KNDC1: variants seen among roughly 807,000 people sequenced by gnomAD.
KNDC1 encodes kinase non-catalytic C-lobe domain-containing protein 1.
Under a neutral mutation model 172.8 loss-of-function variants are expected in KNDC1, and 106 were observed. That is an observed-to-expected ratio of 0.61 (90% CI 0.52 to 0.72). The LOEUF is 0.72. KNDC1 is among the 30% of genes least tolerant of loss of function. KNDC1 has a pLI of 0.00. For missense variants in KNDC1, 2,325 were observed against 2,394.5 expected (o/e 0.97, Z 0.61); for synonymous variants, 1,083 against 1,062.2 (o/e 1.02, Z -0.38).
intron 5 of KNDC1, among the ~76,000 whole-genome samples, chr10:133,185,208 G>A (rs1046721027): frequency 7.3e-5 from 11 of 151,084 alleles, no homozygotes; most frequent in African/African-American, 2.7e-4. Flanking sequence ...AGTGTGTGCA[G>A]TGTGGAGTAG....
At position 133,186,472 on chromosome 10, in the gene KNDC1, G is replaced by T; in HGVS notation, c.1124G>T (p.Arg375Leu). The change falls in exon 6 of 30, where the codon CGG becomes CTG. Residue 375 changes from arginine (R) to leucine (L), a missense_variant. Transcript: ENST00000304613. ...PEQEPEHQLGRVPCAGRSTDR... is the reference protein window; with the variant it reads ...PEQEPEHQLGLVPCAGRSTDR... ...CAGGAGCCGGAACACCAGCTGGGAC[G>T]GGTTCCCTGTGCAGGCCGCAGCACG... is the stretch of plus-strand genomic sequence containing the variant. The T allele has an allele frequency of 6.2e-7, 1 of 1,612,412 alleles. No individual in the cohort carries two copies. The highest frequency in any genetic ancestry group is 8.5e-7 in the Non-Finnish European group (1 of 1,179,750).
chr10:133,198,541 C>G, intron 13 of KNDC1, 37 bp from the exon 14 acceptor site: 1 of 1,578,972 alleles, frequency 6.3e-7, no homozygotes, highest in Non-Finnish European at 8.6e-7. Context: ...GGGTCCCGGG[C>G]GCAGGCAGCC....
intron 13 of KNDC1, 33 bp from the exon 14 acceptor site, chr10:133,198,545 G>A: frequency 2.5e-6 from 4 of 1,579,556 alleles, no homozygotes; most frequent in Non-Finnish European, 3.5e-6. Context: ...CCCGGGCGCA[G>A]GCAGCCCCTC....
chr10:133,165,848 G>A (rs1396134459), intron 1 of KNDC1, among the ~76,000 whole-genome samples: 2 of 152,142 alleles, frequency 1.3e-5, no homozygotes, highest in Admixed American at 6.5e-5. Flanking sequence ...ACCTTTGATC[G>A]ATCACGGGCC....
In KNDC1 at chr10:133,186,027, A is replaced by T. The variant is rs746627931; in HGVS notation, c.679A>T (p.Arg227Trp). 3 of 1,591,562 alleles carry T rather than the reference A, an allele frequency of 1.9e-6. No homozygotes were observed. Among genetic ancestry groups the T allele is most frequent in the Non-Finnish European group, 2.6e-6 (3 of 1,170,730 alleles). The part of the protein sequence containing the change: ...ERPAPGNAGP[R>W]RPPGDPSTDP... The stretch of plus-strand genomic sequence containing the variant: ...ACCTGCCCCAGGAAACGCTGGGCCC[A>T]GGAGGCCGCCCGGGGACCCCAGCAC... Residue 227 changes from arginine to tryptophan, a missense_variant, in exon 6 of 30, where the codon AGG becomes TGG. Arg to Trp is a moderately radical substitution (Grantham distance 101). Transcript: ENST00000304613.
intron 23 of KNDC1, 86 bp from the exon 24 acceptor site, chr10:133,212,630 C>T: frequency 8.4e-7 from 1 of 1,191,904 alleles, no homozygotes; most frequent in South Asian, 1.4e-5. Context: ...CTGGCCTGGT[C>T]CTCACCCCCC....
At position 133,212,799 on chromosome 10, in the gene KNDC1, G is replaced by A; in HGVS notation, c.4320G>A (p.Leu1440=). The change falls in exon 24 of 30, where the codon CTG becomes CTA. Residue 1440 remains leucine, a synonymous_variant. Coordinates refer to ENST00000304613, the MANE Select transcript of KNDC1 (RefSeq NM_152643.8). Reference sequence around the variant, plus strand: ...GCCCCTACACCATTGCTGCCGCCCTGCCCAAGCCCTGCTTCCTCGAGGACT... The same window carrying A: ...GCCCCTACACCATTGCTGCCGCCCTACCCAAGCCCTGCTTCCTCGAGGACT... ...KERPYTIAAA[L]PKPCFLEDFY... 10 of 1,613,988 alleles carry A rather than the reference G, an allele frequency of 6.2e-6. No homozygotes were observed. The highest frequency in any genetic ancestry group is 8.5e-6 in the Non-Finnish European group (10 of 1,179,958).
chr10:133,170,616 TTTAAG>T (rs1278821860), intron 3 of KNDC1, among the ~76,000 whole-genome samples: 3 of 152,226 alleles, frequency 2.0e-5, no homozygotes, highest in East Asian at 1.9e-4. Flanking sequence ...ACCAAGACAT[TTTAAG>T]TTATCTATTA....
chr10:133,207,418 A>ACGTG, intron 20 of KNDC1, 67 bp downstream of exon 20: 1 of 1,432,350 alleles, frequency 7.0e-7, no homozygotes, highest in South Asian at 1.2e-5. Context: ...GAGGGGGGGA[A>ACGTG]CGTGCCCTCG....
chr10:133,171,062 C>T (rs1853363006), intron 3 of KNDC1, among the ~76,000 whole-genome samples: 1 of 152,244 alleles, frequency 6.6e-6, no homozygotes, highest in South Asian at 2.1e-4. Context: ...AGGGTCTAAC[C>T]TTCACAAGAA....
chr10:133,192,552 C>A (rs892485645), intron 9 of KNDC1, among the ~76,000 whole-genome samples: 1 of 152,034 alleles, frequency 6.6e-6, no homozygotes, highest in East Asian at 1.9e-4. Flanking sequence ...ATTGCAAACA[C>A]GCTTGAAACA....
In KNDC1 at chr10:133,198,853, TC is replaced by T; in HGVS notation, c.2349del (p.Ala784ProfsTer11). On this transcript the variant is annotated frameshift_variant, in exon 14 of 30. Coordinates refer to ENST00000304613, the MANE Select transcript of KNDC1 (RefSeq NM_152643.8). LOFTEE classifies it high-confidence loss of function. Reference protein sequence around the residue: ...GASSAAPGSPVPAPPTKASAL... With the variant: ...GASSAAPGSPXPAPPTKASAL... ...TCATCGGCAGCTCCCGGCTCTCCAG[TC>T]CCCGCCCCGCCCACGAAGGCATCTG... is the stretch of plus-strand genomic sequence containing the variant. 6.3e-7 allele frequency: 1 copy of T among 1,597,796 alleles called. No homozygotes were observed.
chr10:133,206,935 G>A lies in KNDC1; in HGVS notation c.3561G>A (p.Leu1187=), dbSNP rs534982186. 3.7e-6 allele frequency: 6 copies of A among 1,614,038 alleles called. No individual in the cohort carries two copies. Among genetic ancestry groups the A allele is most frequent in the Non-Finnish European group, 2.5e-6 (3 of 1,179,976 alleles). ...EMKSRVQFLS[L]VKKYLQVMYA... is the part of the protein sequence containing the mutation. ...AATCCAGGGTGCAATTCCTCAGCTT[G>A]GTCAAGAAGTATCTGCAGGCAAGTG... Residue 1187 remains leucine (L), a synonymous_variant, in exon 19 of 30, where the codon TTG becomes TTA. Transcript: ENST00000304613.
In KNDC1 at chr10:133,220,003, C is replaced by A; in HGVS notation, c.4909C>A (p.Arg1637=). ...SLCLMEGRRF[R]AQPTLPSAHL... ...GTGTCTGATGGAAGGGCGGCGCTTCCGGGCGCAGCCCACCCTGCCCTCGGC... is the reference window on the plus strand; with the variant it reads ...GTGTCTGATGGAAGGGCGGCGCTTCAGGGCGCAGCCCACCCTGCCCTCGGC... The change falls in exon 29 of 30, where the codon CGG becomes AGG. Residue 1637 remains arginine, a synonymous_variant. Coordinates refer to ENST00000304613, the MANE Select transcript of KNDC1 (RefSeq NM_152643.8). The A allele has an allele frequency of 6.4e-7, 1 of 1,553,742 alleles. No individual in the cohort carries two copies. Among genetic ancestry groups the A allele is most frequent in the East Asian group, 2.4e-5 (1 of 41,418 alleles).
At chr10:133,188,099 G>C (rs1027414752) in intron 6 of KNDC1, among the ~76,000 whole-genome samples, 11 of 152,260 alleles carry the variant, frequency 7.2e-5, no homozygotes, top group South Asian at 2.1e-4. Context: ...CCGAGGCCAA[G>C]CGCCATCCAC....
At chr10:133,184,066 GCAAA>G in intron 5 of KNDC1, 77 bp downstream of exon 5, 1 of 805,422 alleles carries the variant, frequency 1.2e-6, no homozygotes, top group Admixed American at 2.3e-5. Context: ...TGCACATGCT[GCAAA>G]CACACCCATG....
At chr10:133,191,486 C>T (rs1042769501) in intron 9 of KNDC1, among the ~76,000 whole-genome samples, 2 of 152,090 alleles carry the variant, frequency 1.3e-5, no homozygotes, top group African/African-American at 4.8e-5. Flanking sequence ...GATCACCTGA[C>T]GTTAGGAGTT....
intron 3 of KNDC1, among the ~76,000 whole-genome samples, chr10:133,178,448 G>C (rs1476044059): frequency 6.6e-6 from 1 of 152,196 alleles, no homozygotes; most frequent in Non-Finnish European, 1.5e-5. Context: ...TCAAGGAATA[G>C]GCTTTCCACC....
intron 3 of KNDC1, among the ~76,000 whole-genome samples, chr10:133,168,570 C>A (rs965382781): frequency 1.3e-5 from 2 of 152,194 alleles, no homozygotes; most frequent in Admixed American, 6.5e-5. Context: ...TCTCTGTGGG[C>A]AGCTCAGACT....
Sources: gnomAD v4.1 joint callset for allele counts (sites outside exome capture counted in the v4.1 genomes callset) on GRCh38, gnomAD v4.1.1 for gene constraint, MANE v1.5 for transcripts, NCBI Gene and HGNC (gene_info 2026-07-23, HGNC 2026-07-21) for gene names.